Variants in LRRC49 observed in about 807,000 individuals in gnomAD.
LRRC49 encodes leucine rich repeat containing 49.
A neutral mutation model predicts 83.3 loss-of-function variants in LRRC49; 50 were observed. The ratio of observed to expected loss-of-function variants is 0.60; its 90% CI spans 0.48 to 0.76. The LOEUF is 0.76. Among genes scored for constraint, LRRC49 ranks in the 30% least tolerant of loss-of-function variants. The probability of loss-of-function intolerance (pLI) is 0.00; values close to 1 mark genes in which losing one functional copy is unlikely to be tolerated. For synonymous variants in LRRC49, 286 were observed against 283.3 expected, an observed-to-expected ratio of 1.01 and a Z score of -0.10; for missense variants, 704 against 809.1, an observed-to-expected ratio of 0.87 and a Z score of 1.58.
At chr15:70,890,652 G>T (rs2033530810), upstream of LRRC49, among the ~76,000 whole-genome samples, 1 of 152,292 alleles carries the variant, frequency 6.6e-6, no homozygotes, top group African/African-American at 2.4e-5. Flanking sequence ...CACGAAGAAT[G>T]AGAGTACATA....
intron 4 of LRRC49, among the ~76,000 whole-genome samples, chr15:70,901,995 A>C (rs1356747339): frequency 6.6e-6 from 1 of 152,192 alleles, no homozygotes; most frequent in Non-Finnish European, 1.5e-5. Flanking sequence ...CCTGACAACA[A>C]ATTATAATGA....
intron 2 of LRRC49, among the ~76,000 whole-genome samples, chr15:70,876,287 A>G (rs2033149998): frequency 6.6e-6 from 1 of 152,172 alleles, no homozygotes; most frequent in Non-Finnish European, 1.5e-5. Flanking sequence ...TCATTTAGCA[A>G]ATGCTTGTAA....
chr15:70,997,941 C>T (rs971866763), intron 11 of LRRC49, among the ~76,000 whole-genome samples: 1 of 151,994 alleles, frequency 6.6e-6, no homozygotes, highest in South Asian at 2.1e-4. Context: ...CTTAGTGTAC[C>T]GTTTTTGATC....
rs1446268434 is a variant in LRRC49 at position 71,052,827 on chromosome 15, T to C, written c.*3215T>C. 6.6e-6 allele frequency: 1 copy of C among 152,212 alleles called. No homozygotes were observed. Among genetic ancestry groups the C allele is most frequent in the African/African-American group, 2.4e-5 (1 of 41,444 alleles). The allele number at this position is 152,212 out of a possible 1,614,324, so 9.4% of individuals were successfully genotyped here. A position where few individuals can be genotyped will look rare whatever the true frequency, so the allele number is the denominator to read the frequency against. On this transcript the variant is annotated 3_prime_UTR_variant, in exon 16 of 16. Transcript: ENST00000260382. ...ACAGTACCCACATTCACTGTTAGTC[T>C]TAAGGATCTGGCATCTGGGAAGAAT...
chr15:70,854,356 CG>C (rs1002325954), intron 1 of LRRC49, among the ~76,000 whole-genome samples: 2 of 152,040 alleles, frequency 1.3e-5, no homozygotes, highest in African/African-American at 4.8e-5. Context: ...AGGCCCGTCC[CG>C]GAAGGATCCC....
intron 15 of LRRC49, among the ~76,000 whole-genome samples, chr15:71,042,643 T>A (rs988795399): frequency 2.6e-5 from 4 of 152,224 alleles, no homozygotes; most frequent in African/African-American, 9.6e-5. Context: ...CCATACATCC[T>A]GAGTTGTTGA....
chr15:70,899,405 C>G (rs979031395), intron 3 of LRRC49, among the ~76,000 whole-genome samples: 1 of 151,550 alleles, frequency 6.6e-6, no homozygotes, highest in Non-Finnish European at 1.5e-5. Flanking sequence ...GTTTTTTTAA[C>G]CATCTTGACT....
At chr15:70,921,289 C>A (rs1053730217) in intron 7 of LRRC49, among the ~76,000 whole-genome samples, 6 of 152,108 alleles carry the variant, frequency 3.9e-5, no homozygotes, top group Non-Finnish European at 8.8e-5. Context: ...TTTCTTTTTT[C>A]CCTCTGATTC....
chr15:70,882,609 TAC>T (rs2033292142), intron 2 of LRRC49: 8 of 1,614,096 alleles, frequency 5.0e-6, no homozygotes, highest in African/African-American at 1.3e-5. Context: ...GTAGTTGCAT[TAC>T]ACAGTCTTTT....
chr15:70,901,606 C>A (rs1373999818), intron 4 of LRRC49, among the ~76,000 whole-genome samples: 1 of 152,160 alleles, frequency 6.6e-6, no homozygotes, highest in Non-Finnish European at 1.5e-5. Flanking sequence ...AAAATTGCAA[C>A]CCCTTCCACA....
chr15:70,886,499 A>G (rs2033410784), intron 2 of LRRC49, among the ~76,000 whole-genome samples: 1 of 152,192 alleles, frequency 6.6e-6, no homozygotes, highest in African/African-American at 2.4e-5. Context: ...GGAATAATGA[A>G]TAAGTGAAAT....
rs1445784648 is a variant in LRRC49, at chr15:70,868,611, T to G, written c.-298-4297T>G. ...CTCAGAGTTTCTGACTCAGTAGGTC[T>G]AGGGTAGAGCCTGAGAATTTGCTTT... On this transcript the variant is annotated intron_variant, in intron 1 of 16. Transcript: ENST00000544974. Among the ~76,000 whole-genome samples, 4 of 152,342 alleles carry G rather than the reference T, an allele frequency of 2.6e-5. No individual in the cohort carries two copies. The East Asian group carries it at 5.8e-4, about 22-fold the overall frequency.
chr15:71,006,199 C>T (rs1450700892), intron 11 of LRRC49, among the ~76,000 whole-genome samples: 2 of 152,196 alleles, frequency 1.3e-5, no homozygotes, highest in African/African-American at 2.4e-5. Flanking sequence ...TTTATTATGT[C>T]ACTTATTTCC....
At chr15:70,945,562 T>C (rs2035977346) in intron 8 of LRRC49, among the ~76,000 whole-genome samples, 1 of 151,664 alleles carries the variant, frequency 6.6e-6, no homozygotes, top group African/African-American at 2.4e-5. Context: ...TGTGTGTGTG[T>C]GTGTATCTGT....
chr15:71,007,717 A>G (rs1457150161), intron 11 of LRRC49, among the ~76,000 whole-genome samples: 4 of 16,954 alleles, frequency 2.4e-4, no homozygotes, highest in Admixed American at 1.5e-3. Flanking sequence ...ATGTATATAT[A>G]TATATATATA....
chr15:70,917,153 G>A (rs926544379), intron 6 of LRRC49, among the ~76,000 whole-genome samples: 12 of 152,290 alleles, frequency 7.9e-5, no homozygotes, highest in Admixed American at 7.2e-4. Flanking sequence ...GGGAATCTGA[G>A]GGGGGCTGAG....
At chr15:70,914,397 T>C (rs1038781203) in intron 6 of LRRC49, among the ~76,000 whole-genome samples, 3 of 152,046 alleles carry the variant, frequency 2.0e-5, no homozygotes, top group African/African-American at 7.2e-5. Context: ...ACATAATTGG[T>C]TTATGGATGT....
At chr15:70,885,620 G>A (rs2033386063) in intron 2 of LRRC49, among the ~76,000 whole-genome samples, 1 of 152,196 alleles carries the variant, frequency 6.6e-6, no homozygotes, top group Non-Finnish European at 1.5e-5. Context: ...GAAAGCTGGT[G>A]TTGCTATATT....
intron 15 of LRRC49, among the ~76,000 whole-genome samples, chr15:71,041,741 G>C (rs996778228): frequency 6.6e-6 from 1 of 151,942 alleles, no homozygotes; most frequent in Non-Finnish European, 1.5e-5. Flanking sequence ...TTTTGTTGAG[G>C]CTTTTTGACA....
Sources: allele counts gnomAD v4.1 joint callset (sites outside exome capture counted in the v4.1 genomes callset), GRCh38; gene constraint gnomAD v4.1.1; transcripts MANE v1.5; gene names NCBI Gene and HGNC (gene_info 2026-07-23, HGNC 2026-07-21).